HPGDS: variants seen among roughly 807,000 people sequenced by gnomAD.
HPGDS encodes hematopoietic prostaglandin D synthase.
In HPGDS, 26 loss-of-function variants were observed where a neutral mutation model predicts 23.1. That is an observed-to-expected ratio of 1.13 (90% confidence interval 0.83 to 1.56). The LOEUF (loss-of-function observed/expected upper bound fraction) is 1.56. HPGDS is among the 40% of genes most tolerant of loss of function. The probability of loss-of-function intolerance (pLI) is 0.00; values close to 1 mark genes in which losing one functional copy is unlikely to be tolerated. For synonymous variants in HPGDS, 95 were observed against 77.9 expected, an observed-to-expected ratio of 1.22 and a Z score of -1.16; for missense variants, 268 against 236.4, an observed-to-expected ratio of 1.13 and a Z score of -0.88.
chr4:94,312,220 A>C lies in HPGDS; in HGVS notation c.227-3477T>G, dbSNP rs554967385. Among the ~76,000 whole-genome samples the C allele has an allele frequency of 5.3e-3, 799 of 151,898 alleles. 3 individuals carry two copies. The highest frequency in any genetic ancestry group is 0.018 in the African/African-American group (747 of 41,354). Reference sequence around the variant, plus strand: ...TGCTCTTGCTTTTCTAGTTCTTTTAATTGTGATGTTAGGGTGTCGATTTTA... The same window carrying C: ...TGCTCTTGCTTTTCTAGTTCTTTTACTTGTGATGTTAGGGTGTCGATTTTA... On this transcript the variant is annotated intron_variant, in intron 3 of 5. Transcript: ENST00000295256.
At chr4:94,327,897 G>A (rs541789929) in intron 2 of HPGDS, among the ~76,000 whole-genome samples, 9 of 152,344 alleles carry the variant, frequency 5.9e-5, no homozygotes, top group Admixed American at 1.3e-4. Flanking sequence ...GGGTTCCAAG[G>A]CAAGATATAG....
At chr4:94,340,171 T>C (rs1490094818) in intron 1 of HPGDS, among the ~76,000 whole-genome samples, 1 of 151,896 alleles carries the variant, frequency 6.6e-6, no homozygotes, top group Non-Finnish European at 1.5e-5. Context: ...TTGGCCAGGA[T>C]GGTCTCGATC....
intron 3 of HPGDS, among the ~76,000 whole-genome samples, chr4:94,313,277 G>C (rs959280137): frequency 2.6e-5 from 4 of 152,174 alleles, no homozygotes; most frequent in African/African-American, 9.7e-5. Flanking sequence ...GGCTGGTACT[G>C]GTTGTTCCAT....
chr4:94,311,819 T>A (rs1424577864), intron 3 of HPGDS, among the ~76,000 whole-genome samples: 1 of 151,326 alleles, frequency 6.6e-6, no homozygotes, highest in Non-Finnish European at 1.5e-5. Context: ...TTTGAGAGTC[T>A]GTTATTGGAC....
intron 1 of HPGDS, among the ~76,000 whole-genome samples, chr4:94,340,976 G>A (rs1398471311): frequency 6.6e-6 from 1 of 151,180 alleles, no homozygotes; most frequent in East Asian, 1.9e-4. Flanking sequence ...CTCCCCAGTA[G>A]CTGGGATTAC....
intron 2 of HPGDS, among the ~76,000 whole-genome samples, chr4:94,320,016 G>C (rs996065947): frequency 6.6e-6 from 1 of 152,074 alleles, no homozygotes. Context: ...GCAGTGTTTG[G>C]TTTTCTGTCC....
chr4:94,314,014 T>C (rs2126038774), intron 3 of HPGDS, among the ~76,000 whole-genome samples: 1 of 152,304 alleles, frequency 6.6e-6, no homozygotes, highest in Middle Eastern at 3.4e-3. Flanking sequence ...CTTCTCTGCA[T>C]TGGTTATTCT....
intron 3 of HPGDS, among the ~76,000 whole-genome samples, chr4:94,310,484 G>C (rs571772799): frequency 1.2e-3 from 178 of 152,050 alleles, no homozygotes; most frequent in African/African-American, 4.1e-3. Context: ...TGTTCCACTG[G>C]TCTGCCTATA....
chr4:94,335,334 T>G (rs1009894127), intron 1 of HPGDS, among the ~76,000 whole-genome samples: 10 of 152,264 alleles, frequency 6.6e-5, no homozygotes, highest in African/African-American at 2.4e-4. Context: ...CCAAGTACTC[T>G]TACATTTCAA....
At chr4:94,313,551 C>G (rs1356932155) in intron 3 of HPGDS, among the ~76,000 whole-genome samples, 2 of 152,216 alleles carry the variant, frequency 1.3e-5, no homozygotes, top group Non-Finnish European at 2.9e-5. Flanking sequence ...CCCGACCTTT[C>G]TCTTTGGCTG....
At chr4:94,330,881 A>G (rs145842721) in intron 2 of HPGDS, among the ~76,000 whole-genome samples, 7 of 152,340 alleles carry the variant, frequency 4.6e-5, no homozygotes, top group African/African-American at 1.7e-4. Flanking sequence ...AAGGAGTTTA[A>G]CTGAGCAATG....
chr4:94,336,801 A>G (rs930704505), intron 1 of HPGDS, among the ~76,000 whole-genome samples: 8 of 152,228 alleles, frequency 5.3e-5, no homozygotes, highest in Non-Finnish European at 1.0e-4. Flanking sequence ...GTAAATAAAA[A>G]ACATAATAAT....
intron 3 of HPGDS, among the ~76,000 whole-genome samples, chr4:94,313,592 T>C (rs531005059): frequency 0.011 from 1,606 of 152,264 alleles, 24 homozygotes; most frequent in African/African-American, 0.036. Context: ...ATTTCAACTT[T>C]GGTGAATCTG....
intron 2 of HPGDS, among the ~76,000 whole-genome samples, chr4:94,323,585 C>A (rs1756562798): frequency 6.6e-6 from 1 of 151,812 alleles, no homozygotes; most frequent in African/African-American, 2.4e-5. Flanking sequence ...GGATTGCAAC[C>A]CCTCCTTTTT....
chr4:94,307,661 C>T (rs967027238), intron 4 of HPGDS, among the ~76,000 whole-genome samples: 1 of 152,030 alleles, frequency 6.6e-6, no homozygotes, highest in East Asian at 1.9e-4. Context: ...TCCTAGAGAG[C>T]GCTCCAAGAA....
At chr4:94,315,778 T>C (rs1414924572) in intron 3 of HPGDS, among the ~76,000 whole-genome samples, 1 of 152,232 alleles carries the variant, frequency 6.6e-6, no homozygotes, top group Admixed American at 6.5e-5. Flanking sequence ...TATTCAAAGG[T>C]TGATTATTCG....
At chr4:94,317,813 G>T in intron 3 of HPGDS, 60 bp downstream of exon 3, 2 of 933,008 alleles carry the variant, frequency 2.1e-6, no homozygotes. Flanking sequence ...AATGAATATT[G>T]AATATATATC....
chr4:94,306,424 G>C lies in HPGDS; in HGVS notation c.336+2210C>G, dbSNP rs150765257. 4.3e-4 allele frequency among the ~76,000 whole-genome samples: 65 copies of C among 152,210 alleles called. No individual in the cohort carries two copies. In the East Asian group the frequency reaches 5.2e-3, roughly 12 times the overall value. ...CCCACAAGGAAGTGGAAAGAGAGGA[G>C]ATAAGAGCAAACAAAATTTGAAGCT... is the stretch of plus-strand genomic sequence containing the variant. On this transcript the variant is annotated intron_variant, in intron 4 of 5. Coordinates refer to ENST00000295256, the MANE Select transcript of HPGDS (RefSeq NM_014485.3).
intron 5 of HPGDS, among the ~76,000 whole-genome samples, chr4:94,300,505 G>T (rs956653916): frequency 6.6e-6 from 1 of 152,152 alleles, no homozygotes; most frequent in Non-Finnish European, 1.5e-5. Flanking sequence ...GATTGCTAGT[G>T]CCTCAGGAAC....
Sources: gnomAD v4.1 joint callset for allele counts (sites outside exome capture counted in the v4.1 genomes callset) on GRCh38, gnomAD v4.1.1 for gene constraint, MANE v1.5 for transcripts, NCBI Gene and HGNC (gene_info 2026-07-23, HGNC 2026-07-21) for gene names.